KCNG4: variants seen among roughly 807,000 people sequenced by gnomAD.
The protein encoded by KCNG4 is voltage-gated potassium channel regulatory subunit KCNG4.
Under a neutral mutation model 28.2 loss-of-function variants are expected in KCNG4, and 30 were observed. That is an observed-to-expected ratio of 1.06 (90% CI 0.80 to 1.44). The LOEUF (loss-of-function observed/expected upper bound fraction) is 1.44, where lower values mean the gene tolerates loss of function less well. Ranked by LOEUF, KCNG4 falls within the 40% of genes most tolerant of loss-of-function variation. The pLI is 0.00. For synonymous variants in KCNG4, 375 were observed against 315.5 expected, an observed-to-expected ratio of 1.19 and a Z score of -2.00; for missense variants, 879 against 712.3, an observed-to-expected ratio of 1.23 and a Z score of -2.66.
In KCNG4 at chr16:84,222,631, G is replaced by A. The variant is rs753040008; in HGVS notation, c.1146C>T (p.Ile382=). The change falls in exon 3 of 3, where the codon ATC becomes ATT. Residue 382 remains isoleucine, a synonymous_variant. Coordinates refer to ENST00000308251, the MANE Select transcript of KCNG4 (RefSeq NM_172347.3). ...CGTAGACCAAAGGGGAGAAGAGGGT[G>A]ATGGCCACGGCCAGGAAGAGAAGGA... ...GLLLLFLAVA[I]TLFSPLVYVA... The A allele has an allele frequency of 6.2e-7, 1 of 1,613,318 alleles. No individual in the cohort carries two copies. Among genetic ancestry groups the A allele is most frequent in the Non-Finnish European group, 8.5e-7 (1 of 1,179,964 alleles).
In KCNG4 at chr16:84,226,010, T is replaced by G. The variant is rs746204311; in HGVS notation, c.757-2990A>C. On this transcript the variant is annotated intron_variant, in intron 2 of 2. Coordinates refer to ENST00000308251, the MANE Select transcript of KCNG4 (RefSeq NM_172347.3). This position sits in a 1 kb window ranked among gnomAD's most constrained non-coding sequence, Gnocchi z 4.1. ...AAGGGGAAAGAAGGAAAGAAAAAAG[T>G]TTTCCTTTCTCCCTTTGTGGAAGTT... Among the ~76,000 whole-genome samples the G allele has an allele frequency of 1.3e-5, 2 of 152,142 alleles. No homozygotes were observed. Among genetic ancestry groups the G allele is most frequent in the Non-Finnish European group, 2.9e-5 (2 of 68,018 alleles).
chr16:84,231,499 A>T (rs1429312764), intron 2 of KCNG4, among the ~76,000 whole-genome samples: 1 of 152,176 alleles, frequency 6.6e-6, no homozygotes, highest in East Asian at 1.9e-4. Flanking sequence ...CGAGGGATGC[A>T]TGGCAGGGAG....
At chr16:84,232,624 G>A (rs1245858863) in intron 2 of KCNG4, among the ~76,000 whole-genome samples, 3 of 152,176 alleles carry the variant, frequency 2.0e-5, no homozygotes, top group Non-Finnish European at 4.4e-5. Flanking sequence ...GGGGGCTGGG[G>A]TGCAGTGACT....
intron 2 of KCNG4, among the ~76,000 whole-genome samples, chr16:84,230,833 G>A (rs1567625866): frequency 6.6e-6 from 1 of 152,254 alleles, no homozygotes; most frequent in African/African-American, 2.4e-5. Flanking sequence ...TAGCACCCAA[G>A]ATGGGAGGAG....
At chr16:84,233,336 A>G (rs1219295116) in intron 2 of KCNG4, among the ~76,000 whole-genome samples, 1 of 152,204 alleles carries the variant, frequency 6.6e-6, no homozygotes, top group African/African-American at 2.4e-5. Flanking sequence ...GCTGTTTTAC[A>G]AAGTCTGGCT....
In KCNG4 at chr16:84,221,568, G is replaced by A. The variant is rs35508178; in HGVS notation, c.*649C>T. 12,746 of 152,278 alleles carry A rather than the reference G, an allele frequency of 0.084. 579 individuals carry two copies. The highest frequency in any genetic ancestry group is 0.12 in the Middle Eastern group (36 of 294). The allele number at this position is 152,278 out of a possible 1,614,324, so 9.4% of individuals were successfully genotyped here. ...CTTCTTGAGCTCCAGGTAAAGGATG[G>A]CAGGCTTGGGGGCATCAGCCTCAAC... On this transcript the variant is annotated 3_prime_UTR_variant, in exon 3 of 3. Coordinates refer to ENST00000308251, the MANE Select transcript of KCNG4 (RefSeq NM_172347.3).
Position 84,236,723 on chromosome 16 carries a change from C to T in KCNG4, c.756+7G>A, listed in dbSNP as rs774889779. 5.0e-6 allele frequency: 8 copies of T among 1,602,088 alleles called. No individual in the cohort carries two copies. The African/African-American group carries it at 5.3e-5, about 11-fold the overall frequency. Reference sequence around the variant, plus strand: ...TGGAGCCGTGAATGCCATCAGAGGCCGCTCACCTGGTCCTCCTCTGCCCTG... The same window carrying T: ...TGGAGCCGTGAATGCCATCAGAGGCTGCTCACCTGGTCCTCCTCTGCCCTG... On this transcript the variant is annotated splice_region_variant and intron_variant, in intron 2 of 2. Coordinates refer to ENST00000308251, the MANE Select transcript of KCNG4 (RefSeq NM_172347.3).
chr16:84,232,418 G>A (rs989368433), intron 2 of KCNG4, among the ~76,000 whole-genome samples: 2 of 152,184 alleles, frequency 1.3e-5, no homozygotes, highest in Admixed American at 6.5e-5. Flanking sequence ...ATTGCCAGGG[G>A]CTGGTGGGAG....
intron 2 of KCNG4, among the ~76,000 whole-genome samples, chr16:84,232,270 C>T (rs117556499): frequency 3.5e-4 from 53 of 152,272 alleles, no homozygotes; most frequent in African/African-American, 1.1e-3. Flanking sequence ...GAAGGTCTGA[C>T]GCATGGCACA....
intron 1 of KCNG4, among the ~76,000 whole-genome samples, chr16:84,238,211 G>A (rs1000540181): frequency 6.6e-6 from 1 of 152,190 alleles, no homozygotes; most frequent in South Asian, 2.1e-4. Context: ...AGACATAAGA[G>A]CTCCACTTTA....
intron 2 of KCNG4, among the ~76,000 whole-genome samples, chr16:84,223,249 T>A (rs1366523306): frequency 6.6e-6 from 1 of 152,084 alleles, no homozygotes; most frequent in Non-Finnish European, 1.5e-5. Flanking sequence ...TATGACTAAG[T>A]CCTCACCTCC....
intron 2 of KCNG4, among the ~76,000 whole-genome samples, chr16:84,231,311 A>C (rs2151338602): frequency 6.6e-6 from 1 of 152,328 alleles, no homozygotes; most frequent in East Asian, 1.9e-4. Context: ...CAGGACGAGC[A>C]AACTAAAGAT....
chr16:84,237,499 C>A lies in KCNG4; in HGVS notation c.-14G>T. ...AGGCATGGGCATTGCTGAAGACCACCAGGTAGGAAGCGCTGGGTTTACCAG... is the reference window on the plus strand; with the variant it reads ...AGGCATGGGCATTGCTGAAGACCACAAGGTAGGAAGCGCTGGGTTTACCAG... On this transcript the variant is annotated 5_prime_UTR_variant, in exon 2 of 3. Transcript: ENST00000308251. 2 of 1,479,822 alleles carry A rather than the reference C, an allele frequency of 1.4e-6. No individual in the cohort carries two copies. The highest frequency in any genetic ancestry group is 1.8e-6 in the Non-Finnish European group (2 of 1,115,830). The allele number at this position is 1,479,822 out of a possible 1,614,324, so 91.7% of individuals were successfully genotyped here.
chr16:84,239,176 G>GT (rs1905045025), intron 1 of KCNG4, among the ~76,000 whole-genome samples: 1 of 151,964 alleles, frequency 6.6e-6, no homozygotes. Context: ...TTGGATTCCG[G>GT]TGGATAGTGG....
chr16:84,230,233 C>G (rs244802), intron 2 of KCNG4, among the ~76,000 whole-genome samples: 2 of 151,740 alleles, frequency 1.3e-5, no homozygotes, highest in Non-Finnish European at 2.9e-5. Flanking sequence ...GGCGAAACCC[C>G]GTCTCTACTA....
chr16:84,235,913 G>C (rs1397947597), intron 2 of KCNG4: 1 of 152,124 alleles, frequency 6.6e-6, no homozygotes, highest in Non-Finnish European at 1.5e-5. Flanking sequence ...CCAAATGCTA[G>C]GTTCTTATTT....
At chr16:84,233,813 G>C (rs896395369) in intron 2 of KCNG4, among the ~76,000 whole-genome samples, 5 of 152,144 alleles carry the variant, frequency 3.3e-5, no homozygotes, top group Admixed American at 2.6e-4. Context: ...AGGAAAGAAA[G>C]ATGGTATCAG....
chr16:84,228,403 T>C (rs1465459684), intron 2 of KCNG4, among the ~76,000 whole-genome samples: 1 of 145,082 alleles, frequency 6.9e-6, no homozygotes, highest in Non-Finnish European at 1.5e-5. Context: ...CCTTTGGCCC[T>C]GGCCCGAGGC....
chr16:84,235,032 C>G (rs887808502), intron 2 of KCNG4, among the ~76,000 whole-genome samples: 1 of 152,160 alleles, frequency 6.6e-6, no homozygotes, highest in Non-Finnish European at 1.5e-5. Flanking sequence ...GGGCATAAAT[C>G]TCTCTTGTCC....
Sources: allele counts gnomAD v4.1 joint callset (sites outside exome capture counted in the v4.1 genomes callset), GRCh38; gene constraint gnomAD v4.1.1; non-coding constraint Gnocchi (gnomAD v3.1); transcripts MANE v1.5; gene names NCBI Gene and HGNC (gene_info 2026-07-23, HGNC 2026-07-21).